GLCCI1: variants seen among roughly 807,000 people sequenced by gnomAD.
The protein encoded by GLCCI1 is glucocorticoid induced 1.
Under a neutral mutation model 52.2 loss-of-function variants are expected in GLCCI1, and 24 were observed. That is an observed-to-expected ratio of 0.46 (90% CI 0.33 to 0.65). GLCCI1 has a LOEUF of 0.65. Ranked by LOEUF, GLCCI1 falls within the 30% of genes least tolerant of loss-of-function variation. The probability of loss-of-function intolerance (pLI) is 0.02; values close to 1 mark genes in which losing one functional copy is unlikely to be tolerated. For missense variants in GLCCI1, 704 were observed against 701.5 expected, an observed-to-expected ratio of 1.00 and a Z score of -0.04; for synonymous variants, 310 against 276.5, an observed-to-expected ratio of 1.12 and a Z score of -1.20.
chr7:8,045,037 C>A (rs990133846), intron 3 of GLCCI1, among the ~76,000 whole-genome samples: 2 of 152,086 alleles, frequency 1.3e-5, no homozygotes, highest in African/African-American at 4.8e-5. Context: ...GAATTAAGTC[C>A]TTATGGCATA....
At chr7:8,008,950 A>G (rs540482174) in intron 2 of GLCCI1, among the ~76,000 whole-genome samples, 1 of 152,280 alleles carries the variant, frequency 6.6e-6, no homozygotes, top group Admixed American at 6.5e-5. Context: ...ATGTTAAAAA[A>G]AAATTCATGA....
At chr7:8,069,877 A>G (rs1782718140) in intron 5 of GLCCI1, among the ~76,000 whole-genome samples, 1 of 152,260 alleles carries the variant, frequency 6.6e-6, no homozygotes, top group Admixed American at 6.5e-5. Flanking sequence ...AATAGTGAAA[A>G]TAAATTATAA....
chr7:8,086,677 A>G lies in GLCCI1; in HGVS notation c.*139A>G. On this transcript the variant is annotated 3_prime_UTR_variant, in exon 8 of 8. Transcript: ENST00000223145. This position sits in a 1 kb window ranked among gnomAD's most constrained non-coding sequence, Gnocchi z 4.4. ...ATCATAAAGTATCTCTTAAACACTG[A>G]TCTTGGCAGGGACGGAACTCCTATT... 3 of 721,678 alleles carry G rather than the reference A, an allele frequency of 4.2e-6. No individual in the cohort carries two copies. Among genetic ancestry groups the G allele is most frequent in the Non-Finnish European group, 6.7e-6 (3 of 447,984 alleles). 44.7% of individuals were successfully genotyped at this position (721,678 alleles called of 1,614,324 possible). A position where few individuals can be genotyped will look rare whatever the true frequency, so the allele number is the denominator to read the frequency against.
At chr7:8,014,257 A>C (rs1319558720) in intron 2 of GLCCI1, among the ~76,000 whole-genome samples, 1 of 152,146 alleles carries the variant, frequency 6.6e-6, no homozygotes, top group Non-Finnish European at 1.5e-5. Flanking sequence ...TCGGCCTCCC[A>C]AAGTGCTGAG....
intron 1 of GLCCI1, among the ~76,000 whole-genome samples, chr7:7,978,290 G>T (rs775179441): frequency 4.6e-5 from 7 of 152,106 alleles, no homozygotes; most frequent in Non-Finnish European, 8.8e-5. Context: ...CATTTGTAAT[G>T]TATTATAAGG....
Position 7,991,113 on chromosome 7 carries a change from G to A in GLCCI1, c.458-12795G>A, listed in dbSNP as rs545157747. 5.8e-4 allele frequency among the ~76,000 whole-genome samples: 88 copies of A among 152,208 alleles called. 1 individual carries two copies. In the South Asian group the frequency reaches 0.011, roughly 20 times the overall value. On this transcript the variant is annotated intron_variant, in intron 1 of 7. Coordinates refer to ENST00000223145, the MANE Select transcript of GLCCI1 (RefSeq NM_138426.4). ...AATCATACCTTACTCAGGTTAAATAGTTACTCTTTTTCCTAGGCCTTTCCC... is the reference window on the plus strand; with the variant it reads ...AATCATACCTTACTCAGGTTAAATAATTACTCTTTTTCCTAGGCCTTTCCC...
intron 2 of GLCCI1, among the ~76,000 whole-genome samples, chr7:8,006,496 T>C (rs1031283084): frequency 2.6e-5 from 4 of 152,194 alleles, no homozygotes; most frequent in African/African-American, 7.2e-5. Flanking sequence ...TTAAGTATGA[T>C]AATATTGAAG....
chr7:8,055,694 G>A (rs1031183986), intron 4 of GLCCI1, 145 bp downstream of exon 4: 1 of 593,914 alleles, frequency 1.7e-6, no homozygotes, highest in African/African-American at 1.9e-5. Context: ...AAGATTGTTA[G>A]AAAGCAGCCG....
chr7:7,999,015 G>C (rs1402489340), intron 1 of GLCCI1, among the ~76,000 whole-genome samples: 1 of 151,536 alleles, frequency 6.6e-6, no homozygotes, highest in African/African-American at 2.4e-5. Context: ...CAATATCATA[G>C]ATATCCAGTT....
intron 2 of GLCCI1, among the ~76,000 whole-genome samples, chr7:8,005,724 A>G (rs1474512275): frequency 6.6e-6 from 1 of 152,222 alleles, no homozygotes; most frequent in African/African-American, 2.4e-5. Context: ...TAGATTACCA[A>G]ACCAACATAT....
intron 2 of GLCCI1, among the ~76,000 whole-genome samples, chr7:8,020,987 T>C (rs1286161686): frequency 6.6e-6 from 1 of 152,198 alleles, no homozygotes; most frequent in East Asian, 1.9e-4. Context: ...TATTGATACC[T>C]CTTATCCGTG....
At chr7:8,034,865 A>G (rs1372059693) in intron 3 of GLCCI1, among the ~76,000 whole-genome samples, 3 of 152,178 alleles carry the variant, frequency 2.0e-5, no homozygotes, top group African/African-American at 7.2e-5. Flanking sequence ...CTCTGCCCTT[A>G]TGAACCCAAA....
At chr7:7,985,358 A>G (rs1302762496) in intron 1 of GLCCI1, among the ~76,000 whole-genome samples, 7 of 152,088 alleles carry the variant, frequency 4.6e-5, no homozygotes, top group Non-Finnish European at 8.8e-5. Context: ...GGCTCCTGAC[A>G]TTTTCTCCAT....
chr7:8,079,285 GTTTT>G (rs1208280745), intron 6 of GLCCI1, among the ~76,000 whole-genome samples: 1 of 150,808 alleles, frequency 6.6e-6, no homozygotes, highest in South Asian at 2.1e-4. Context: ...TCTGTTTTTT[GTTTT>G]TTTAAAAACT....
intron 1 of GLCCI1, chr7:7,970,021 T>C (rs569444690): frequency 7.1e-6 from 3 of 420,156 alleles, no homozygotes; most frequent in African/African-American, 4.3e-5. Context: ...CCTCAGAGTC[T>C]CTCTTCCATC....
chr7:8,053,443 CT>C (rs1468063846), intron 3 of GLCCI1, among the ~76,000 whole-genome samples: 1 of 151,480 alleles, frequency 6.6e-6, no homozygotes, highest in Non-Finnish European at 1.5e-5. Flanking sequence ...TTGCCTCAGC[CT>C]CCCAAGTAGC....
chr7:8,040,305 G>T (rs1446803115), intron 3 of GLCCI1, among the ~76,000 whole-genome samples: 2 of 152,040 alleles, frequency 1.3e-5, no homozygotes, highest in Non-Finnish European at 2.9e-5. Flanking sequence ...GAGCAACATA[G>T]TAAGAGTTCA....
In GLCCI1 at chr7:8,003,895, T is replaced by TC. The variant is rs1227267314; in HGVS notation, c.458-12dup. On this transcript the variant is annotated splice_polypyrimidine_tract_variant and intron_variant, in intron 1 of 7. Coordinates refer to ENST00000223145, the MANE Select transcript of GLCCI1 (RefSeq NM_138426.4). ...ATTCACTAATGACTAATCTTTTTTT[T>TC]CACTTTCTGTAGCGGACAAGGCAAA... 1 of 1,599,610 alleles carries TC rather than the reference T, an allele frequency of 6.3e-7. No homozygotes were observed.
intron 6 of GLCCI1, among the ~76,000 whole-genome samples, chr7:8,081,357 A>G (rs1782990224): frequency 6.6e-6 from 1 of 152,250 alleles, no homozygotes; most frequent in Non-Finnish European, 1.5e-5. Flanking sequence ...TTGTTTTAGA[A>G]TCAATTTTAC....
Sources: allele counts gnomAD v4.1 joint callset (sites outside exome capture counted in the v4.1 genomes callset), GRCh38; gene constraint gnomAD v4.1.1; non-coding constraint Gnocchi (gnomAD v3.1); transcripts MANE v1.5; gene names NCBI Gene and HGNC (gene_info 2026-07-23, HGNC 2026-07-21).